The following CRYM variants were observed in gnomAD, a reference collection of about 807,000 sequenced individuals.
CRYM encodes ketimine reductase mu-crystallin.
A neutral mutation model predicts 32.9 loss-of-function variants in CRYM; 18 were observed. The ratio of observed to expected loss-of-function variants is 0.55; its 90% confidence interval spans 0.38 to 0.81. The LOEUF (loss-of-function observed/expected upper bound fraction) is 0.81, where lower values mean the gene tolerates loss of function less well. Among genes scored for constraint, CRYM ranks in the 30% least tolerant of loss-of-function variants. CRYM has a pLI of 0.00. For synonymous variants in CRYM, 153 were observed against 152.4 expected, an observed-to-expected ratio of 1.00 and a Z score of -0.03; for missense variants, 337 against 393.5, an observed-to-expected ratio of 0.86 and a Z score of 1.21.
intron 7 of CRYM, 25 bp from the exon 8 acceptor site, chr16:21,258,870 G>C (rs775938865): frequency 1.2e-6 from 2 of 1,611,820 alleles, no homozygotes; most frequent in East Asian, 4.5e-5. Flanking sequence ...AATTTGGTTC[G>C]CCTTTGGTCA....
intron 4 of CRYM, 146 bp downstream of exon 4, chr16:21,269,644 C>T (rs2093370898): frequency 3.2e-6 from 2 of 625,830 alleles, no homozygotes; most frequent in Non-Finnish European, 5.7e-6. Flanking sequence ...ATCAGGGCTT[C>T]TGGGAAGTCA....
At chr16:21,269,918 G>C in intron 3 of CRYM, 27 bp from the exon 4 acceptor site, 1 of 1,518,670 alleles carries the variant, frequency 6.6e-7, no homozygotes, top group Non-Finnish European at 9.1e-7. Flanking sequence ...AAGTGGCAAA[G>C]GTCAAGGGAG....
At chr16:21,290,246 G>A (rs1304028766) in intron 1 of CRYM, among the ~76,000 whole-genome samples, 6 of 152,170 alleles carry the variant, frequency 3.9e-5, no homozygotes, top group Non-Finnish European at 7.3e-5. Flanking sequence ...CTACCTTTGT[G>A]AACTGTAACA....
chr16:21,281,807 T>C (rs2093398674), upstream of CRYM, among the ~76,000 whole-genome samples: 1 of 152,238 alleles, frequency 6.6e-6, no homozygotes, highest in Non-Finnish European at 1.5e-5. Context: ...ACATGAGTTG[T>C]ATGTAACATG....
At chr16:21,262,315 C>A (rs974487472) in intron 5 of CRYM, 157 bp from the exon 6 acceptor site, 2 of 851,676 alleles carry the variant, frequency 2.3e-6, no homozygotes, top group Non-Finnish European at 1.9e-6. Context: ...ATCAGTAGGA[C>A]GAAATACTTA....
chr16:21,260,580 G>T (rs576199110), intron 7 of CRYM, among the ~76,000 whole-genome samples: 3 of 152,152 alleles, frequency 2.0e-5, no homozygotes, highest in African/African-American at 7.2e-5. Context: ...GATTACAGGC[G>T]TGAGCCACCG....
At chr16:21,267,373 C>T (rs2093365901) in intron 5 of CRYM, among the ~76,000 whole-genome samples, 181 bp downstream of exon 5, 1 of 152,206 alleles carries the variant, frequency 6.6e-6, no homozygotes, top group Non-Finnish European at 1.5e-5. Context: ...GCTGGGATTA[C>T]AGGCATGAGC....
chr16:21,299,484 A>C (rs1219659713), intron 1 of CRYM, among the ~76,000 whole-genome samples: 2 of 151,868 alleles, frequency 1.3e-5, no homozygotes, highest in East Asian at 3.9e-4. Context: ...TAATTTTTCT[A>C]TTTTTAGTAG....
At position 21,267,726 on chromosome 16, in the gene CRYM, C is replaced by T; in HGVS notation, c.501G>A (p.Trp167Ter). The T allele has an allele frequency of 6.2e-7, 1 of 1,614,218 alleles. No homozygotes were observed. The highest frequency in any genetic ancestry group is 8.5e-7 in the Non-Finnish European group (1 of 1,180,034). The change falls in exon 5 of 8, where the codon TGG becomes TGA. Residue 167 changes from tryptophan (W) to a stop codon, truncating the protein, a stop_gained. Coordinates refer to ENST00000572914, the MANE Select transcript of CRYM (RefSeq NM_001376256.1). LOFTEE classifies it high-confidence loss of function. The part of the protein sequence containing the change: ...EQFSFKEVRI[W>*]NRTKENAEKF... ...TCTCTGCATTTTCTTTGGTGCGGTT[C>T]CATATCCTCACCTTCATTGGGAGTA...
At position 21,278,277 on chromosome 16, in the gene CRYM, A is replaced by C. The variant is rs1462546261; in HGVS notation, c.-26T>G. On this transcript the variant is annotated 5_prime_UTR_variant, in exon 1 of 8. Coordinates refer to ENST00000572914, the MANE Select transcript of CRYM (RefSeq NM_001376256.1). ...CTCGCCACCTGTGCCTTCTAACCTC[A>C]GTCTCCGCACCGCGATCCACGTACC... 14 of 1,573,140 alleles carry C rather than the reference A, an allele frequency of 8.9e-6. No individual in the cohort carries two copies. Among genetic ancestry groups the C allele is most frequent in the Middle Eastern group, 1.7e-4 (1 of 6,008 alleles).
At chr16:21,302,013 A>G (rs1567245080) in intron 1 of CRYM, among the ~76,000 whole-genome samples, 2 of 151,898 alleles carry the variant, frequency 1.3e-5, no homozygotes, top group African/African-American at 4.8e-5. Flanking sequence ...CAAAAGGGCG[A>G]CCCCCAAACA....
upstream of CRYM, among the ~76,000 whole-genome samples, chr16:21,282,307 G>A (rs1006937405): frequency 5.3e-5 from 8 of 152,114 alleles, no homozygotes; most frequent in African/African-American, 1.9e-4. Flanking sequence ...CCAGTCTCAG[G>A]CATGTGTTTA....
At chr16:21,282,347 G>A (rs571479315), upstream of CRYM, among the ~76,000 whole-genome samples, 4 of 152,160 alleles carry the variant, frequency 2.6e-5, no homozygotes, top group African/African-American at 4.8e-5. Context: ...ATAATACAGC[G>A]TGCTTCCCAG....
chr16:21,273,119 T>C (rs2733908), intron 3 of CRYM, among the ~76,000 whole-genome samples: 43,302 of 151,950 alleles, frequency 0.28, 6,523 homozygotes, highest in African/African-American at 0.36. Context: ...AAATGTATGT[T>C]AGTGCTAAAC....
intron 1 of CRYM, among the ~76,000 whole-genome samples, chr16:21,289,093 A>G (rs1326835040): frequency 6.6e-6 from 1 of 152,218 alleles, no homozygotes; most frequent in African/African-American, 2.4e-5. Context: ...TATTTTATAT[A>G]TACCTTTAGG....
In CRYM at chr16:21,262,021, G is replaced by A. The variant is rs1182455119; in HGVS notation, c.795+16C>T. 1 of 1,613,682 alleles carries A rather than the reference G, an allele frequency of 6.2e-7. No homozygotes were observed. Among genetic ancestry groups the A allele is most frequent in the Non-Finnish European group, 8.5e-7 (1 of 1,179,748 alleles). ...CAGCCAGGTGGCAGCCCTGACTGGG[G>A]TCAGAAGGGCCTCACCCCTGACAGC... On this transcript the variant is annotated intron_variant, in intron 6 of 7. Coordinates refer to ENST00000572914, the MANE Select transcript of CRYM (RefSeq NM_001376256.1).
intron 1 of CRYM, among the ~76,000 whole-genome samples, chr16:21,287,491 C>A (rs2093409427): frequency 6.6e-6 from 1 of 152,076 alleles, no homozygotes; most frequent in Non-Finnish European, 1.5e-5. Flanking sequence ...CCAGGAAGGC[C>A]CTTAGATAGC....
In CRYM at chr16:21,277,210, C is replaced by T. The variant is rs530375901; in HGVS notation, c.324+221G>A. On this transcript the variant is annotated intron_variant, in intron 2 of 7. Coordinates refer to ENST00000572914, the MANE Select transcript of CRYM (RefSeq NM_001376256.1). The surrounding 1 kb of genome is among the most constrained non-coding windows in gnomAD (Gnocchi z 4.2). The stretch of plus-strand genomic sequence containing the variant: ...ATTATTATTTCCACACTGTCACATG[C>T]TTGAGGCAGCAGTGGGCGCTGGTGC... 6.6e-6 allele frequency among the ~76,000 whole-genome samples: 1 copy of T among 152,322 alleles called. No individual in the cohort carries two copies. The highest frequency in any genetic ancestry group is 1.5e-5 in the Non-Finnish European group (1 of 68,022).
chr16:21,294,909 A>T (rs1351992276), intron 1 of CRYM, among the ~76,000 whole-genome samples: 1 of 151,680 alleles, frequency 6.6e-6, no homozygotes, highest in Non-Finnish European at 1.5e-5. Context: ...GTTGGCCAGG[A>T]TGGTCTCGAT....
Sources: gnomAD v4.1 joint callset for allele counts (sites outside exome capture counted in the v4.1 genomes callset) on GRCh38, gnomAD v4.1.1 for gene constraint, Gnocchi (gnomAD v3.1) non-coding constraint, MANE v1.5 for transcripts, NCBI Gene and HGNC (gene_info 2026-07-23, HGNC 2026-07-21) for gene names.